HS6ST3: variants seen among roughly 807,000 people sequenced by gnomAD.
HS6ST3 encodes heparan-sulfate 6-O-sulfotransferase 3.
HS6ST3 carries 12 observed loss-of-function variants against 36.7 expected under a neutral mutation model. The ratio of observed to expected loss-of-function variants is 0.33; its 90% CI spans 0.21 to 0.53. The LOEUF (loss-of-function observed/expected upper bound fraction) is 0.53, where lower values mean the gene tolerates loss of function less well. HS6ST3 is among the 20% of genes least tolerant of loss of function. The pLI is 0.95. For synonymous variants in HS6ST3, 240 were observed against 257.5 expected (o/e 0.93, Z 0.65); for missense variants, 584 against 640.9 (o/e 0.91, Z 0.96).
chr13:96,769,110 GC>G (rs1219440860), intron 1 of HS6ST3, among the ~76,000 whole-genome samples: 4 of 152,096 alleles, frequency 2.6e-5, no homozygotes, highest in Middle Eastern at 3.4e-3. Context: ...GCACGCACGT[GC>G]CCCACCTCCC....
At position 96,673,246 on chromosome 13, in the gene HS6ST3, C is replaced by T. The variant is rs181690045; in HGVS notation, c.708-159244C>T. ...GAGGCTTATGATGGCTCTTAGGGTC[C>T]GCCTGATAATCCAGGATAATCTCCT... On this transcript the variant is annotated intron_variant, in intron 1 of 1. Transcript: ENST00000376705. 1.1e-3 allele frequency among the ~76,000 whole-genome samples: 160 copies of T among 152,192 alleles called. 1 individual carries two copies. The highest frequency in any genetic ancestry group is 1.9e-3 in the Admixed American group (29 of 15,280).
At chr13:96,439,519 T>C (rs1284408655) in intron 1 of HS6ST3, among the ~76,000 whole-genome samples, 1 of 152,242 alleles carries the variant, frequency 6.6e-6, no homozygotes, top group Non-Finnish European at 1.5e-5. Flanking sequence ...ATACAGATTC[T>C]GGAACCTGGT....
At chr13:96,622,010 T>TA (rs34648550) in intron 1 of HS6ST3, among the ~76,000 whole-genome samples, 119,758 of 152,034 alleles carry the variant, frequency 0.79, 47,449 homozygotes, top group East Asian at 0.88. Flanking sequence ...GCAAAGGGTG[T>TA]AACATCAATT....
chr13:96,697,194 T>A (rs1875153269), intron 1 of HS6ST3, among the ~76,000 whole-genome samples: 1 of 151,926 alleles, frequency 6.6e-6, no homozygotes, highest in South Asian at 2.1e-4. Flanking sequence ...TGTGTATATA[T>A]GTATATGTTA....
intron 1 of HS6ST3, among the ~76,000 whole-genome samples, chr13:96,689,741 G>A (rs941390713): frequency 3.3e-5 from 5 of 151,064 alleles, no homozygotes; most frequent in South Asian, 2.1e-4. Context: ...AAAAGAGAGC[G>A]GCTGCTCCCT....
intron 1 of HS6ST3, among the ~76,000 whole-genome samples, chr13:96,787,953 G>C (rs1272403607): frequency 1.3e-5 from 2 of 151,824 alleles, no homozygotes; most frequent in Admixed American, 1.3e-4. Context: ...TTAGGTCAAG[G>C]TTTATTTTTT....
intron 1 of HS6ST3, among the ~76,000 whole-genome samples, chr13:96,211,805 A>G (rs2054400473): frequency 6.6e-6 from 1 of 152,238 alleles, no homozygotes; most frequent in Non-Finnish European, 1.5e-5. Flanking sequence ...TCTACACATT[A>G]CAATGATATA....
chr13:96,232,246 G>A (rs1397594779), intron 1 of HS6ST3, among the ~76,000 whole-genome samples: 1 of 152,192 alleles, frequency 6.6e-6, no homozygotes, highest in Non-Finnish European at 1.5e-5. Flanking sequence ...TATCAGTGTG[G>A]TTGTTAAGTA....
At chr13:96,624,354 T>C (rs2056505090) in intron 1 of HS6ST3, among the ~76,000 whole-genome samples, 1 of 152,216 alleles carries the variant, frequency 6.6e-6, no homozygotes, top group Admixed American at 6.5e-5. Context: ...CACATACATA[T>C]GTAACCATAA....
intron 1 of HS6ST3, among the ~76,000 whole-genome samples, chr13:96,416,752 A>G (rs1169513382): frequency 7.6e-6 from 1 of 130,872 alleles, no homozygotes; most frequent in East Asian, 2.2e-4. Flanking sequence ...ATAGGGTAAC[A>G]TTTTTTTTTT....
chr13:96,688,788 G>T (rs1021369960), intron 1 of HS6ST3, among the ~76,000 whole-genome samples: 1 of 151,986 alleles, frequency 6.6e-6, no homozygotes, highest in East Asian at 1.9e-4. Context: ...CCTGGCATAC[G>T]TCCTTCATCC....
At chr13:96,247,075 G>C (rs908521377) in intron 1 of HS6ST3, among the ~76,000 whole-genome samples, 7 of 152,132 alleles carry the variant, frequency 4.6e-5, no homozygotes, top group African/African-American at 1.7e-4. Flanking sequence ...TGGGCTGAGA[G>C]AGCTACATTG....
intron 1 of HS6ST3, among the ~76,000 whole-genome samples, chr13:96,332,706 G>A (rs1263705707): frequency 6.6e-6 from 1 of 152,174 alleles, no homozygotes; most frequent in Non-Finnish European, 1.5e-5. Flanking sequence ...CAAAATGAAG[G>A]CATTTTACAT....
At chr13:96,824,338 C>T (rs1878605187) in intron 1 of HS6ST3, among the ~76,000 whole-genome samples, 3 of 152,222 alleles carry the variant, frequency 2.0e-5, no homozygotes, top group South Asian at 4.1e-4. Context: ...CGGACACCCT[C>T]GGAACCAATC....
intron 1 of HS6ST3, among the ~76,000 whole-genome samples, chr13:96,716,310 G>T (rs1333567902): frequency 6.6e-6 from 1 of 151,970 alleles, no homozygotes; most frequent in Admixed American, 6.5e-5. Flanking sequence ...GATGTCTAAA[G>T]CCTAGAAGAA....
At chr13:96,635,011 G>A (rs1025927643) in intron 1 of HS6ST3, among the ~76,000 whole-genome samples, 7 of 152,136 alleles carry the variant, frequency 4.6e-5, no homozygotes, top group Admixed American at 3.9e-4. Context: ...TTCCCATTCT[G>A]CGTGTTCTTG....
intron 1 of HS6ST3, among the ~76,000 whole-genome samples, chr13:96,256,584 T>C (rs1336716941): frequency 1.3e-5 from 2 of 152,208 alleles, no homozygotes; most frequent in Non-Finnish European, 2.9e-5. Flanking sequence ...GACCACTTTT[T>C]CATGCCTTTA....
intron 1 of HS6ST3, among the ~76,000 whole-genome samples, chr13:96,764,651 C>G (rs1877051054): frequency 2.0e-5 from 3 of 152,166 alleles, no homozygotes; most frequent in Admixed American, 1.3e-4. Flanking sequence ...GCGGAGGAAA[C>G]CTTTCCTTCA....
Position 96,578,109 on chromosome 13 carries a change from T to A in HS6ST3, c.708-254381T>A, listed in dbSNP as rs188960667. On this transcript the variant is annotated intron_variant, in intron 1 of 1. Transcript: ENST00000376705. ...GGTTTTTGGAGTGAAGAAGCCTTCC[T>A]CCCCGCACATTCCCTTATCCTCCCA... 4.5e-4 allele frequency among the ~76,000 whole-genome samples: 68 copies of A among 152,258 alleles called. 1 individual carries two copies. The highest frequency in any genetic ancestry group is 3.4e-3 in the Middle Eastern group (1 of 294).
Sources: allele counts gnomAD v4.1 joint callset (sites outside exome capture counted in the v4.1 genomes callset), GRCh38; gene constraint gnomAD v4.1.1; transcripts MANE v1.5; gene names NCBI Gene and HGNC (gene_info 2026-07-23, HGNC 2026-07-21).